Variants in ANXA1 observed in about 807,000 individuals in gnomAD.
The protein encoded by ANXA1 is annexin A1, also known as annexin I (lipocortin I).
In ANXA1, 39 loss-of-function variants were observed where a neutral mutation model predicts 47.9. That is an observed-to-expected ratio of 0.81 (90% CI 0.63 to 1.06). ANXA1 has a LOEUF of 1.06. Among genes scored for constraint, ANXA1 ranks in the 50% least tolerant of loss-of-function variants. The pLI is 0.00. For missense variants in ANXA1, 446 were observed against 422.7 expected (o/e 1.06, Z -0.48); for synonymous variants, 146 against 142.5 (o/e 1.02, Z -0.17).
In ANXA1 at chr9:73,168,586, CA is replaced by C. The variant is rs552668086; in HGVS notation, c.862-445del. ...ACAGTAAGTATAGAGTGATGGTGCA[CA>C]CTGGAAGAGATGGTAGAATTAGGCA... On this transcript the variant is annotated intron_variant, in intron 11 of 12. Coordinates refer to ENST00000257497, the MANE Select transcript of ANXA1 (RefSeq NM_000700.3). 428 of 154,864 alleles carry C rather than the reference CA, an allele frequency of 2.8e-3. 2 individuals are homozygous for C. The highest frequency in any genetic ancestry group is 9.8e-3 in the African/African-American group (407 of 41,548). The allele number at this position is 154,864 out of a possible 1,614,324, so 9.6% of individuals were successfully genotyped here.
intron 1 of ANXA1, among the ~76,000 whole-genome samples, chr9:73,152,376 A>C (rs1823985914): frequency 6.6e-6 from 1 of 152,230 alleles, no homozygotes; most frequent in Non-Finnish European, 1.5e-5. Context: ...CTGTTTCAAA[A>C]TAGTAGGACT....
intron 9 of ANXA1, 94 bp downstream of exon 9, chr9:73,165,303 T>G: frequency 2.1e-6 from 2 of 932,418 alleles, no homozygotes; most frequent in Non-Finnish European, 3.3e-6. Flanking sequence ...AGAACCCTTT[T>G]TCAATATCAC....
rs1252006277 is a variant in ANXA1, at chr9:73,160,717, A to G, written c.385-86A>G. 4.2e-6 allele frequency: 4 copies of G among 958,920 alleles called. No homozygotes were observed. The Admixed American group carries it at 8.6e-5, about 21-fold the overall frequency. The allele number at this position is 958,920 out of a possible 1,614,324, so 59.4% of individuals were successfully genotyped here. On this transcript the variant is annotated intron_variant, in intron 5 of 12. Coordinates refer to ENST00000257497, the MANE Select transcript of ANXA1 (RefSeq NM_000700.3). ...GAAATTTACTAAATGACAGAGTCAA[A>G]CAAATTTTGGAACACCAAAAACTCA...
chr9:73,164,770 C>T (rs1457644992), intron 8 of ANXA1, among the ~76,000 whole-genome samples: 1 of 152,092 alleles, frequency 6.6e-6, no homozygotes, highest in Non-Finnish European at 1.5e-5. Context: ...GTAACATTTG[C>T]TGATAATTAC....
At chr9:73,154,517 C>G (rs1185546120) in intron 1 of ANXA1, among the ~76,000 whole-genome samples, 1 of 152,072 alleles carries the variant, frequency 6.6e-6, no homozygotes, top group Non-Finnish European at 1.5e-5. Flanking sequence ...CTCACTGCAG[C>G]CTCCGCCTCT....
At chr9:73,167,630 T>C (rs1563964703) in intron 11 of ANXA1, 75 bp downstream of exon 11, 4 of 1,357,230 alleles carry the variant, frequency 2.9e-6, no homozygotes, top group Non-Finnish European at 4.1e-6. Flanking sequence ...CCTCATGTTG[T>C]TTGAAAATCT....
At chr9:73,154,328 ATT>A in intron 1 of ANXA1, 4 of 1,366,144 alleles carry the variant, frequency 2.9e-6, no homozygotes, top group Non-Finnish European at 3.9e-6. Context: ...CTGTTAATGA[ATT>A]TGATTCTCAG....
At chr9:73,165,676 G>A (rs576205169) in intron 9 of ANXA1, 2 of 165,916 alleles carry the variant, frequency 1.2e-5, no homozygotes, top group East Asian at 3.6e-4. Flanking sequence ...GGAAGTGAAG[G>A]CGATGGAAAA....
chr9:73,163,067 G>A (rs1824169960), intron 7 of ANXA1, among the ~76,000 whole-genome samples: 1 of 152,156 alleles, frequency 6.6e-6, no homozygotes, highest in Non-Finnish European at 1.5e-5. Context: ...ACTCCTGACA[G>A]AAGAGGAAAG....
chr9:73,158,838 C>T lies in ANXA1; in HGVS notation c.175+35C>T, dbSNP rs190143359. The T allele has an allele frequency of 2.2e-5, 34 of 1,527,400 alleles. No homozygotes were observed. The African/African-American group carries it at 4.5e-4, about 20-fold the overall frequency. 94.6% of individuals were successfully genotyped at this position (1,527,400 alleles called of 1,614,324 possible). A position where few individuals can be genotyped will look rare whatever the true frequency, so the allele number is the denominator to read the frequency against. On this transcript the variant is annotated intron_variant, in intron 3 of 12. Transcript: ENST00000257497. ...TTCCTCAAAACAGTTCCCTCCTGGA[C>T]ATTTCAGAATGGCTATTTGAATGAC...
At position 73,161,015 on chromosome 9, in the gene ANXA1, TC is replaced by T. The variant is rs994677589; in HGVS notation, c.475+123del. 1.2e-5 allele frequency: 8 copies of T among 663,824 alleles called. No individual in the cohort carries two copies. In the African/African-American group the frequency reaches 1.5e-4, roughly 12 times the overall value. 41.1% of individuals were successfully genotyped at this position (663,824 alleles called of 1,614,324 possible). ...TGGAATCTCCACATATCAAAATGTT[TC>T]TTTATTGTTTGGCACATGTCTATTA... On this transcript the variant is annotated intron_variant, in intron 6 of 12. Transcript: ENST00000257497.
chr9:73,156,916 T>G (rs1466523242), intron 1 of ANXA1, among the ~76,000 whole-genome samples: 1 of 152,026 alleles, frequency 6.6e-6, no homozygotes, highest in Non-Finnish European at 1.5e-5. Flanking sequence ...TGATGGCATT[T>G]TGTGTGTGTG....
At chr9:73,168,379 T>G (rs1824267802) in intron 11 of ANXA1, 1 of 152,164 alleles carries the variant, frequency 6.6e-6, no homozygotes, top group Non-Finnish European at 1.5e-5. Flanking sequence ...GTGGGACATA[T>G]ACTCCAGACT....
intron 6 of ANXA1, among the ~76,000 whole-genome samples, chr9:73,161,751 T>G (rs1341173608): frequency 6.6e-6 from 1 of 152,146 alleles, no homozygotes; most frequent in Non-Finnish European, 1.5e-5. Flanking sequence ...TTATGTTAGA[T>G]CCATGTGTCA....
intron 9 of ANXA1, 65 bp downstream of exon 9, chr9:73,165,274 A>C (rs1043679151): frequency 2.3e-6 from 3 of 1,328,570 alleles, no homozygotes; most frequent in African/African-American, 3.0e-5. Context: ...TTTGATGACA[A>C]ATAAGAGAAA....
intron 1 of ANXA1, among the ~76,000 whole-genome samples, chr9:73,156,230 G>A (rs553145544): frequency 6.6e-6 from 1 of 151,526 alleles, no homozygotes; most frequent in East Asian, 1.9e-4. Flanking sequence ...TTTGCCAAGT[G>A]ATGAATTTTA....
chr9:73,158,353 A>T (rs1315710584), intron 1 of ANXA1, 169 bp from the exon 2 acceptor site: 4 of 551,752 alleles, frequency 7.2e-6, no homozygotes, highest in East Asian at 6.1e-5. Context: ...AGCTTCCTTT[A>T]AAAAAAATTA....
intron 8 of ANXA1, 59 bp downstream of exon 8, chr9:73,163,591 C>T: frequency 2.3e-5 from 36 of 1,548,194 alleles, no homozygotes; most frequent in Non-Finnish European, 3.2e-5. Flanking sequence ...AGTGGGGCTA[C>T]CACATGATCC....
rs534445509 is a variant in ANXA1, at chr9:73,158,761, T to C, written c.133T>C (p.Ser45Pro). The change falls in exon 3 of 13, where the codon TCC (serine) becomes CCC (proline). Residue 45 changes from serine (S) to proline (P), a missense_variant. Coordinates refer to ENST00000257497, the MANE Select transcript of ANXA1 (RefSeq NM_000700.3). ...GAGCCCCTATCCTACCTTCAATCCA[T>C]CCTCGGATGTCGCTGCCTTGCATAA... ...AVSPYPTFNPSSDVAALHKAI... is the reference protein window; with the variant it reads ...AVSPYPTFNPPSDVAALHKAI... The C allele has an allele frequency of 2.0e-5, 32 of 1,613,896 alleles. No homozygotes were observed. The South Asian group carries it at 3.1e-4, about 16-fold the overall frequency.
Sources: allele counts gnomAD v4.1 joint callset (sites outside exome capture counted in the v4.1 genomes callset), GRCh38; gene constraint gnomAD v4.1.1; transcripts MANE v1.5; gene names NCBI Gene and HGNC (gene_info 2026-07-23, HGNC 2026-07-21).